RTN4RL1: variants seen among roughly 807,000 people sequenced by gnomAD.
The protein encoded by RTN4RL1 is reticulon-4 receptor-like 1.
RTN4RL1 carries 7 observed loss-of-function variants against 25.6 expected under a neutral mutation model. That is an observed-to-expected ratio of 0.27 (90% CI 0.16 to 0.51). The LOEUF is 0.51. RTN4RL1 is among the 20% of genes least tolerant of loss of function. The pLI is 0.97. For missense variants in RTN4RL1, 500 were observed against 615.6 expected, an observed-to-expected ratio of 0.81 and a Z score of 1.99; for synonymous variants, 297 against 288.2, an observed-to-expected ratio of 1.03 and a Z score of -0.31.
chr17:1,977,433 T>C, intron 1 of RTN4RL1, among the ~76,000 whole-genome samples: 1 of 152,138 alleles, frequency 6.6e-6, no homozygotes, highest in Non-Finnish European at 1.5e-5. Context: ...TCTCCCTGGA[T>C]CCACCACCTC....
chr17:1,939,122 G>A (rs1368092834), intron 1 of RTN4RL1, among the ~76,000 whole-genome samples: 1 of 151,958 alleles, frequency 6.6e-6, no homozygotes. Context: ...GGAGGCCGAG[G>A]CGGGCGGATC....
intron 1 of RTN4RL1, among the ~76,000 whole-genome samples, chr17:1,962,880 A>G (rs79542184): frequency 3.3e-5 from 5 of 150,012 alleles, no homozygotes; most frequent in East Asian, 2.0e-4. Flanking sequence ...AAAAAAAAAA[A>G]AGAGATGTGG....
intron 1 of RTN4RL1, among the ~76,000 whole-genome samples, chr17:2,022,349 ACT>A (rs778713970): frequency 7.9e-5 from 12 of 151,364 alleles, no homozygotes; most frequent in Non-Finnish European, 1.6e-4. Context: ...ACGAAGTCCC[ACT>A]CTGTTGCCCG....
At chr17:1,992,526 C>G (rs1417166422) in intron 1 of RTN4RL1, among the ~76,000 whole-genome samples, 1 of 152,202 alleles carries the variant, frequency 6.6e-6, no homozygotes, top group African/African-American at 2.4e-5. Context: ...GATACAGTGC[C>G]TGGCACGCAG....
intron 1 of RTN4RL1, among the ~76,000 whole-genome samples, chr17:1,956,897 C>T (rs1597494109): frequency 6.6e-6 from 1 of 152,108 alleles, no homozygotes; most frequent in African/African-American, 2.4e-5. Flanking sequence ...GCGTCCACCA[C>T]CACGCCCGGC....
At chr17:1,945,176 C>G (rs1915511887) in intron 1 of RTN4RL1, among the ~76,000 whole-genome samples, 1 of 152,196 alleles carries the variant, frequency 6.6e-6, no homozygotes, top group Non-Finnish European at 1.5e-5. Context: ...CCTGCCTCTT[C>G]CTCAGGTGCC....
Position 1,936,492 on chromosome 17 carries a change from G to T in RTN4RL1, c.*4C>A. 6.5e-7 allele frequency: 1 copy of T among 1,540,156 alleles called. No individual in the cohort carries two copies. The highest frequency in any genetic ancestry group is 8.7e-7 in the Non-Finnish European group (1 of 1,146,720). On this transcript the variant is annotated 3_prime_UTR_variant, in exon 2 of 2. Transcript: ENST00000331238. The stretch of plus-strand genomic sequence containing the variant: ...GCAGTGCTGGGTGCTGACGCCCTGG[G>T]TCCTCAGCGGAGAGTGACCGCCAGC...
chr17:1,958,243 A>AGTCAAGAT (rs1218703294), intron 1 of RTN4RL1, among the ~76,000 whole-genome samples: 3 of 152,180 alleles, frequency 2.0e-5, no homozygotes, highest in African/African-American at 7.2e-5. Flanking sequence ...AAAATGGTGG[A>AGTCAAGAT]GTCAAGATTC....
At chr17:1,956,966 C>T (rs1298527583) in intron 1 of RTN4RL1, among the ~76,000 whole-genome samples, 2 of 152,218 alleles carry the variant, frequency 1.3e-5, no homozygotes, top group African/African-American at 4.8e-5. Flanking sequence ...TCTCGAACTC[C>T]TGACCTCAGG....
At chr17:1,959,430 C>G (rs1915853850) in intron 1 of RTN4RL1, among the ~76,000 whole-genome samples, 1 of 152,104 alleles carries the variant, frequency 6.6e-6, no homozygotes, top group African/African-American at 2.4e-5. Context: ...TGCCTTGCTG[C>G]CTGCTTCTTC....
intron 1 of RTN4RL1, among the ~76,000 whole-genome samples, chr17:2,012,782 GTTC>G (rs569329258): frequency 2.5e-4 from 36 of 146,306 alleles, no homozygotes; most frequent in African/African-American, 6.5e-4. Context: ...TATGTGCTAT[GTTC>G]TTCTTCTTCT....
At chr17:1,991,007 C>G (rs1240010771) in intron 1 of RTN4RL1, among the ~76,000 whole-genome samples, 1 of 152,172 alleles carries the variant, frequency 6.6e-6, no homozygotes, top group East Asian at 1.9e-4. Context: ...TCTCTAGGCG[C>G]AGAGAGCACC....
intron 1 of RTN4RL1, among the ~76,000 whole-genome samples, chr17:1,957,334 G>A (rs923243371): frequency 3.3e-5 from 5 of 152,070 alleles, no homozygotes; most frequent in East Asian, 1.9e-4. Context: ...CAACTGGCCC[G>A]TGAGCTATGT....
chr17:1,989,667 G>A (rs534436711), intron 1 of RTN4RL1, among the ~76,000 whole-genome samples: 33 of 152,212 alleles, frequency 2.2e-4, no homozygotes, highest in South Asian at 1.7e-3. Flanking sequence ...TCCACCTCCC[G>A]GTTTCAAGCA....
rs149010916 is a variant in RTN4RL1 at position 2,011,924 on chromosome 17, T to C, written c.13+12929A>G. Among the ~76,000 whole-genome samples, 1,201 of 152,232 alleles carry C rather than the reference T, an allele frequency of 7.9e-3. 12 individuals are homozygous for C. Among genetic ancestry groups the C allele is most frequent in the African/African-American group, 0.028 (1,155 of 41,542 alleles). On this transcript the variant is annotated intron_variant, in intron 1 of 1. Transcript: ENST00000331238. ...CCTCTTTCCCTCGGCCCCTCCTCGC[T>C]TGGGGAGATTCTTTTTAAACCGCAG...
chr17:2,020,828 G>A (rs1481533849), intron 1 of RTN4RL1: 1 of 152,038 alleles, frequency 6.6e-6, no homozygotes, highest in African/African-American at 2.4e-5. Flanking sequence ...AGAGGCTCTG[G>A]ATTTGCATTC....
intron 1 of RTN4RL1, among the ~76,000 whole-genome samples, chr17:1,951,924 G>A (rs1233953742): frequency 4.6e-5 from 7 of 152,206 alleles, no homozygotes; most frequent in Non-Finnish European, 5.9e-5. Context: ...GATGAAGATC[G>A]AATGTGAGTG....
At chr17:1,945,822 C>T (rs1915526973) in intron 1 of RTN4RL1, among the ~76,000 whole-genome samples, 1 of 152,248 alleles carries the variant, frequency 6.6e-6, no homozygotes, top group East Asian at 1.9e-4. Context: ...AGAACACTGG[C>T]ATCCAGCAGG....
intron 1 of RTN4RL1, among the ~76,000 whole-genome samples, chr17:1,975,594 T>A (rs904032867): frequency 1.3e-5 from 2 of 151,958 alleles, no homozygotes; most frequent in Admixed American, 1.3e-4. Context: ...GAGGTTGCAG[T>A]GAGCTGAGAT....
Sources: gnomAD v4.1 joint callset for allele counts (sites outside exome capture counted in the v4.1 genomes callset) on GRCh38, gnomAD v4.1.1 for gene constraint, MANE v1.5 for transcripts, NCBI Gene and HGNC (gene_info 2026-07-23, HGNC 2026-07-21) for gene names.